PTBP3: variants seen among roughly 807,000 people sequenced by gnomAD.
PTBP3 encodes the protein polypyrimidine tract-binding protein 3.
In PTBP3, 20 loss-of-function variants were observed where a neutral mutation model predicts 58.7. That is an observed-to-expected ratio of 0.34 (90% CI 0.24 to 0.50). The LOEUF (loss-of-function observed/expected upper bound fraction) is 0.50, where lower values mean the gene tolerates loss of function less well. PTBP3 is among the 20% of genes least tolerant of loss of function. PTBP3 has a pLI of 0.98. For synonymous variants in PTBP3, 185 were observed against 219.8 expected, an observed-to-expected ratio of 0.84 and a Z score of 1.40; for missense variants, 509 against 637.2, an observed-to-expected ratio of 0.80 and a Z score of 2.17.
intron 4 of PTBP3, among the ~76,000 whole-genome samples, chr9:112,265,584 G>A (rs761690718): frequency 6.6e-6 from 1 of 152,046 alleles, no homozygotes; most frequent in Non-Finnish European, 1.5e-5. Flanking sequence ...CGTGGAAATG[G>A]AATCCAAGCT....
intron 3 of PTBP3, among the ~76,000 whole-genome samples, chr9:112,271,503 T>C (rs1827384882): frequency 6.6e-6 from 1 of 152,176 alleles, no homozygotes. Context: ...GGCAGATCAC[T>C]TGAGGTTAGG....
chr9:112,231,958 AG>A (rs1835227515), intron 9 of PTBP3, 140 bp downstream of exon 9: 16 of 356,466 alleles, frequency 4.5e-5, no homozygotes, highest in African/African-American at 2.3e-4. Flanking sequence ...AGAAGAGAAG[AG>A]AAGAGAAGAG....
chr9:112,365,682 G>A, the PTBP3 span, among the ~76,000 whole-genome samples: 58 of 152,264 alleles, frequency 3.8e-4, no homozygotes, highest in East Asian at 3.3e-3. Context: ...CTTTGGAACC[G>A]GTAATAGACA....
chr9:112,234,705 G>T, intron 8 of PTBP3, 115 bp downstream of exon 8: 1 of 918,588 alleles, frequency 1.1e-6, no homozygotes, highest in Non-Finnish European at 1.7e-6. Flanking sequence ...CAGCTGATAT[G>T]CATAATGCTT....
At chr9:112,227,344 C>T in intron 12 of PTBP3, 67 bp downstream of exon 12, 3 of 1,532,158 alleles carry the variant, frequency 2.0e-6, no homozygotes, top group Non-Finnish European at 2.7e-6. Context: ...GAAGTTTTAA[C>T]CTCTCCTACA....
intron 1 of PTBP3, among the ~76,000 whole-genome samples, chr9:112,318,375 C>G (rs1829790650): frequency 6.6e-6 from 1 of 152,116 alleles, no homozygotes; most frequent in African/African-American, 2.4e-5. Flanking sequence ...AATAAAACAC[C>G]ATTTACATTA....
intron 3 of PTBP3, among the ~76,000 whole-genome samples, chr9:112,274,524 C>T (rs1827525454): frequency 6.6e-6 from 1 of 152,078 alleles, no homozygotes. Context: ...AGAGGACATA[C>T]AATTATTAAA....
At chr9:112,327,509 G>A (rs1368633582) in intron 1 of PTBP3, among the ~76,000 whole-genome samples, 3 of 151,894 alleles carry the variant, frequency 2.0e-5, no homozygotes, top group African/African-American at 4.8e-5. Flanking sequence ...GCAGTGAGCC[G>A]AGATTGCGCC....
chr9:112,275,947 T>C lies in PTBP3; in HGVS notation c.101A>G (p.His34Arg). 6.2e-7 allele frequency: 1 copy of C among 1,613,798 alleles called. No homozygotes were observed. Among genetic ancestry groups the C allele is most frequent in the South Asian group, 1.1e-5 (1 of 91,076 alleles). The change falls in exon 3 of 14, where the codon CAT becomes CGT. Residue 34 changes from histidine to arginine, a missense_variant. His to Arg is a conservative substitution (Grantham distance 29, BLOSUM62 0). Around this residue, in one of 4 missense-constraint regions of PTBP3, gnomAD observed 212 missense variants for 215.3 expected, o/e 0.98. Coordinates refer to ENST00000374257, the MANE Select transcript of PTBP3 (RefSeq NM_001163788.4). ...RPPCSPSRVLHLRKIPCDVTE... is the reference protein window; with the variant it reads ...RPPCSPSRVLRLRKIPCDVTE... Reference sequence around the variant, plus strand: ...GACATCACATGGAATTTTTCGAAGATGGAGAACACGGGAAGGCGAACAGGG... The same window carrying C: ...GACATCACATGGAATTTTTCGAAGACGGAGAACACGGGAAGGCGAACAGGG...
intron 1 of PTBP3, among the ~76,000 whole-genome samples, chr9:112,313,302 C>T (rs942849137): frequency 6.6e-6 from 1 of 152,108 alleles, no homozygotes; most frequent in Non-Finnish European, 1.5e-5. Context: ...CTCATGGGCT[C>T]GAATAATCCT....
At chr9:112,279,656 C>T (rs562259901) in intron 2 of PTBP3, among the ~76,000 whole-genome samples, 3 of 152,086 alleles carry the variant, frequency 2.0e-5, no homozygotes, top group South Asian at 4.2e-4. Context: ...CCCCAACCCC[C>T]ACCCCAGGCA....
chr9:112,323,864 T>C (rs530024578), intron 1 of PTBP3, among the ~76,000 whole-genome samples: 1 of 152,062 alleles, frequency 6.6e-6, no homozygotes, highest in Non-Finnish European at 1.5e-5. Context: ...GTAAAAGTAA[T>C]AACAGCCAAG....
chr9:112,325,751 C>G, intron 1 of PTBP3, among the ~76,000 whole-genome samples: 1 of 152,246 alleles, frequency 6.6e-6, no homozygotes. Context: ...TGGACAAGCA[C>G]GGTGGCTCAT....
Position 112,222,568 on chromosome 9 carries a change from G to A in PTBP3, c.*1283C>T. The A allele has an allele frequency of 1.0e-6, 1 of 985,582 alleles. No homozygotes were observed. Among genetic ancestry groups the A allele is most frequent in the Non-Finnish European group, 1.2e-6 (1 of 829,822 alleles). The allele number at this position is 985,582 out of a possible 1,614,324, so 61.1% of individuals were successfully genotyped here. A position where few individuals can be genotyped will look rare whatever the true frequency, so the allele number is the denominator to read the frequency against. On this transcript the variant is annotated 3_prime_UTR_variant, in exon 14 of 14. Coordinates refer to ENST00000374257, the MANE Select transcript of PTBP3 (RefSeq NM_001163788.4). ...GTAAAGAGGCCTACAGGTGTGCACT[G>A]AATTATTCCCAAAACCATTCACCCT...
intron 3 of PTBP3, among the ~76,000 whole-genome samples, chr9:112,271,597 G>A (rs1231348611): frequency 6.6e-6 from 1 of 152,024 alleles, no homozygotes; most frequent in Non-Finnish European, 1.5e-5. Flanking sequence ...GTGGTGGCAG[G>A]TGCCTGTAAT....
the PTBP3 span, among the ~76,000 whole-genome samples, chr9:112,361,303 T>C: frequency 6.6e-6 from 1 of 152,108 alleles, no homozygotes; most frequent in South Asian, 2.1e-4. Flanking sequence ...TTCACCATGT[T>C]GGTCAGGCTG....
chr9:112,313,250 G>A (rs1829561865), intron 1 of PTBP3, among the ~76,000 whole-genome samples: 1 of 152,112 alleles, frequency 6.6e-6, no homozygotes, highest in Admixed American at 6.5e-5. Flanking sequence ...TGTCACCCGG[G>A]CTGGACTGCA....
At chr9:112,372,491 TA>T in the PTBP3 span, among the ~76,000 whole-genome samples, 8 of 152,360 alleles carry the variant, frequency 5.3e-5, no homozygotes, top group African/African-American at 1.9e-4. Flanking sequence ...GTGTGACTAC[TA>T]CCTCTATCTA....
Position 112,300,394 on chromosome 9 carries a change from A to G in PTBP3, c.-51-2478T>C, listed in dbSNP as rs73541753. 9.1e-3 allele frequency among the ~76,000 whole-genome samples: 1,380 copies of G among 152,360 alleles called. 27 individuals carry two copies. The highest frequency in any genetic ancestry group is 0.031 in the African/African-American group (1,295 of 41,586). Reference sequence around the variant, plus strand: ...GAGTAAATGTTTGTAAATGCATGCAATGACTATACAACAATGAGAATGAAC... The same window carrying G: ...GAGTAAATGTTTGTAAATGCATGCAGTGACTATACAACAATGAGAATGAAC... On this transcript the variant is annotated intron_variant, in intron 1 of 13. Coordinates refer to ENST00000374257, the MANE Select transcript of PTBP3 (RefSeq NM_001163788.4).
Sources: allele counts gnomAD v4.1 joint callset (sites outside exome capture counted in the v4.1 genomes callset), GRCh38; gene constraint gnomAD v4.1.1; regional missense constraint gnomAD v4.1.1; transcripts MANE v1.5; gene names NCBI Gene and HGNC (gene_info 2026-07-23, HGNC 2026-07-21).